ZNF664: variants seen among roughly 807,000 people sequenced by gnomAD.
ZNF664 encodes the protein zinc finger Organ of Corti 1.
ZNF664 carries 10 observed loss-of-function variants against 18.2 expected under a neutral mutation model. That is an observed-to-expected ratio of 0.55 (90% CI 0.34 to 0.93). ZNF664 has a LOEUF of 0.93. Ranked by LOEUF, ZNF664 falls within the 40% of genes least tolerant of loss-of-function variation. The pLI is 0.02. For synonymous variants in ZNF664, 119 were observed against 104.2 expected (o/e 1.14, Z -0.86); for missense variants, 193 against 319.0 (o/e 0.61, Z 3.01).
chr12:123,992,434 A>T (rs908113521), intron 3 of ZNF664, among the ~76,000 whole-genome samples: 1 of 152,162 alleles, frequency 6.6e-6, no homozygotes, highest in Non-Finnish European at 1.5e-5. Flanking sequence ...AAAGGAGAGG[A>T]GTATAACCGG....
chr12:123,986,521 C>T (rs569166026), intron 2 of ZNF664, among the ~76,000 whole-genome samples: 20 of 152,292 alleles, frequency 1.3e-4, no homozygotes, highest in African/African-American at 4.6e-4. Flanking sequence ...TGATGACCTC[C>T]GCAGTCATTT....
Position 124,012,618 on chromosome 12 carries a change from C to G in ZNF664, c.474C>G (p.Leu158=). The stretch of plus-strand genomic sequence containing the variant: ...AGGCCTTCAGGCACACCTCCAGCCT[C>G]TGCATGCATCAAAGAGTCCACACAG... ...CGKAFRHTSS[L]CMHQRVHTGE... Residue 158 remains leucine, a synonymous_variant, in exon 5 of 5, where the codon CTC becomes CTG. Transcript: ENST00000337815. 1 of 1,614,064 alleles carries G rather than the reference C, an allele frequency of 6.2e-7. No individual in the cohort carries two copies. Among genetic ancestry groups the G allele is most frequent in the Non-Finnish European group, 8.5e-7 (1 of 1,180,008 alleles).
rs117836072 is a variant in ZNF664 at position 124,012,558 on chromosome 12, C to T, written c.414C>T (p.Thr138=). The T allele has an allele frequency of 1.9e-3, 3,088 of 1,613,412 alleles. 4 individuals are homozygous for T. The highest frequency in any genetic ancestry group is 4.2e-3 in the Admixed American group (252 of 59,946). ...SNLCMHQRVH[T]GEKPFKCEEC... ...TTTGCATGCATCAGAGAGTCCACAC[C>T]GGAGAGAAGCCCTTTAAATGTGAAG... The change falls in exon 5 of 5, where the codon ACC becomes ACT. Residue 138 remains threonine (T), a synonymous_variant. Transcript: ENST00000337815.
At chr12:123,995,789 T>C (rs1956941538) in intron 3 of ZNF664, among the ~76,000 whole-genome samples, 1 of 152,196 alleles carries the variant, frequency 6.6e-6, no homozygotes, top group Non-Finnish European at 1.5e-5. Context: ...AACTCTAATT[T>C]TTAATGTCAT....
At chr12:123,982,522 ACT>A in intron 2 of ZNF664, among the ~76,000 whole-genome samples, 1 of 152,180 alleles carries the variant, frequency 6.6e-6, no homozygotes, top group East Asian at 1.9e-4. Context: ...CCATTCTGAA[ACT>A]CTAACTTCTG....
Position 123,988,028 on chromosome 12 carries a change from A to G in ZNF664, c.-756-15A>G. 1 of 1,231,212 alleles carries G rather than the reference A, an allele frequency of 8.1e-7. No individual in the cohort carries two copies. The highest frequency in any genetic ancestry group is 1.0e-6 in the Non-Finnish European group (1 of 987,698). The allele number at this position is 1,231,212 out of a possible 1,614,324, so 76.3% of individuals were successfully genotyped here. A position where few individuals can be genotyped will look rare whatever the true frequency, so the allele number is the denominator to read the frequency against. On this transcript the variant is annotated splice_polypyrimidine_tract_variant and intron_variant, in intron 2 of 4. Coordinates refer to ENST00000337815, the MANE Select transcript of ZNF664 (RefSeq NM_152437.3). ...TAAATAAACCCATTTTTCTCTTTGC[A>G]TTTCTCCCATCCAGCAGGATCCTAA... is the stretch of plus-strand genomic sequence containing the variant.
In ZNF664 at chr12:123,973,278, T is replaced by C. The variant is rs1956614703; in HGVS notation, c.-966T>C. The stretch of plus-strand genomic sequence containing the variant: ...CGCGCGCGCGGCTCGGAGGCGCACC[T>C]GTGAGGTGTCCCTGAGGAGAGGGAG... On this transcript the variant is annotated 5_prime_UTR_variant, in exon 1 of 5. Transcript: ENST00000337815. The C allele has an allele frequency of 9.9e-7, 1 of 1,005,488 alleles. No individual in the cohort carries two copies. The highest frequency in any genetic ancestry group is 1.2e-6 in the Non-Finnish European group (1 of 847,054). The allele number at this position is 1,005,488 out of a possible 1,614,324, so 62.3% of individuals were successfully genotyped here.
At chr12:123,976,809 A>G (rs1566192894) in intron 2 of ZNF664, among the ~76,000 whole-genome samples, 1 of 152,016 alleles carries the variant, frequency 6.6e-6, no homozygotes, top group African/African-American at 2.4e-5. Flanking sequence ...GATCCTGGCC[A>G]TGCACAGTGG....
chr12:123,998,126 C>A lies in ZNF664; in HGVS notation c.-661+9988C>A, dbSNP rs576244319. On this transcript the variant is annotated intron_variant, in intron 3 of 4. Coordinates refer to ENST00000337815, the MANE Select transcript of ZNF664 (RefSeq NM_152437.3). ...CAGGGTGTATCAGCCATCTCAGGAG[C>A]TGATTTCCTGTGCAACTTTTTCTAA... 9.2e-5 allele frequency among the ~76,000 whole-genome samples: 14 copies of A among 152,216 alleles called. No individual in the cohort carries two copies. In the East Asian group the frequency reaches 9.7e-4, roughly 11 times the overall value.
intron 2 of ZNF664, among the ~76,000 whole-genome samples, chr12:123,976,957 G>A (rs543120676): frequency 2.0e-5 from 3 of 152,140 alleles, no homozygotes; most frequent in South Asian, 4.2e-4. Flanking sequence ...GCAGGCACCC[G>A]TATTCCCAGC....
chr12:124,013,210 A>G lies in ZNF664; in HGVS notation c.*280A>G, dbSNP rs1329458757. ...AGCACGATGCCTCCATAGTTGAAAGACTACACAAAAAGCCACAATCATTGC... is the reference window on the plus strand; with the variant it reads ...AGCACGATGCCTCCATAGTTGAAAGGCTACACAAAAAGCCACAATCATTGC... On this transcript the variant is annotated 3_prime_UTR_variant, in exon 5 of 5. Transcript: ENST00000337815. The G allele has an allele frequency of 1.5e-5, 7 of 451,980 alleles. No homozygotes were observed. Among genetic ancestry groups the G allele is most frequent in the Non-Finnish European group, 2.4e-5 (6 of 247,868 alleles). The allele number at this position is 451,980 out of a possible 1,614,324, so 28.0% of individuals were successfully genotyped here. A position where few individuals can be genotyped will look rare whatever the true frequency, so the allele number is the denominator to read the frequency against.
At position 124,015,125 on chromosome 12, in the gene ZNF664, G is replaced by T. The variant is rs1957176850; in HGVS notation, c.*2195G>T. On this transcript the variant is annotated 3_prime_UTR_variant, in exon 5 of 5. Coordinates refer to ENST00000337815, the MANE Select transcript of ZNF664 (RefSeq NM_152437.3). The stretch of plus-strand genomic sequence containing the variant: ...TTTTAGTTTTAGGAAAAATTGGTTT[G>T]ATTTCTAGCTTTATTACTATTAGGT... 6.0e-6 allele frequency: 1 copy of T among 167,078 alleles called. No homozygotes were observed. The highest frequency in any genetic ancestry group is 2.1e-4 in the South Asian group (1 of 4,828). 10.3% of individuals were successfully genotyped at this position (167,078 alleles called of 1,614,324 possible). A position where few individuals can be genotyped will look rare whatever the true frequency, so the allele number is the denominator to read the frequency against.
At chr12:123,974,075 T>C in intron 2 of ZNF664, 55 bp downstream of exon 2, 3 of 1,142,870 alleles carry the variant, frequency 2.6e-6, no homozygotes, top group Non-Finnish European at 3.3e-6. Context: ...TCCGCAGGCG[T>C]TCTCACCCCT....
intron 2 of ZNF664, among the ~76,000 whole-genome samples, chr12:123,976,231 A>T (rs1170674987): frequency 6.6e-6 from 1 of 152,218 alleles, no homozygotes; most frequent in Non-Finnish European, 1.5e-5. Flanking sequence ...GAGGGAGTAT[A>T]AAAAAGGGGA....
rs1435422033 is a variant in ZNF664, at chr12:124,012,634, G to C, written c.490G>C (p.Val164Leu). The change falls in exon 5 of 5, where the codon GTC (valine) becomes CTC (leucine). Residue 164 changes from valine (V) to leucine (L), a missense_variant. Physicochemically the swap from Val to Leu is conservative, Grantham distance 32. This residue lies in a region of ZNF664 where 61 missense variants were observed against 153.7 expected (regional missense o/e 0.40). Transcript: ENST00000337815. ...CTCCAGCCTCTGCATGCATCAAAGAGTCCACACAGGAGAGAAACCCTATAA... is the reference window on the plus strand; with the variant it reads ...CTCCAGCCTCTGCATGCATCAAAGACTCCACACAGGAGAGAAACCCTATAA... ...HTSSLCMHQR[V>L]HTGEKPYKCY... 2 of 1,614,106 alleles carry C rather than the reference G, an allele frequency of 1.2e-6. No homozygotes were observed. The highest frequency in any genetic ancestry group is 1.7e-6 in the Non-Finnish European group (2 of 1,180,048).
intron 3 of ZNF664, among the ~76,000 whole-genome samples, chr12:124,009,450 A>C (rs1957109943): frequency 6.6e-6 from 1 of 152,056 alleles, no homozygotes; most frequent in African/African-American, 2.4e-5. Flanking sequence ...CATTAAATTA[A>C]ATTCTGGATT....
At chr12:123,983,824 AAATT>A (rs1956794284) in intron 2 of ZNF664, among the ~76,000 whole-genome samples, 1 of 152,208 alleles carries the variant, frequency 6.6e-6, no homozygotes, top group African/African-American at 2.4e-5. Context: ...GATGTTCAAT[AAATT>A]ACTTTTAATA....
At chr12:123,976,165 C>G (rs939601021) in intron 2 of ZNF664, among the ~76,000 whole-genome samples, 1 of 152,188 alleles carries the variant, frequency 6.6e-6, no homozygotes, top group Non-Finnish European at 1.5e-5. Flanking sequence ...ACAATCACAA[C>G]TACACGTATG....
chr12:124,001,979 AG>A (rs1460881961), intron 3 of ZNF664, among the ~76,000 whole-genome samples: 3 of 152,250 alleles, frequency 2.0e-5, no homozygotes, highest in Non-Finnish European at 2.9e-5. Flanking sequence ...AGCACAACAA[AG>A]GAAGCATGTG....
Sources: allele counts gnomAD v4.1 joint callset (sites outside exome capture counted in the v4.1 genomes callset), GRCh38; gene constraint gnomAD v4.1.1; regional missense constraint gnomAD v4.1.1; transcripts MANE v1.5; gene names NCBI Gene and HGNC (gene_info 2026-07-23, HGNC 2026-07-21).